The following TMPRSS12 variants were observed in gnomAD, a reference collection of about 807,000 sequenced individuals.
TMPRSS12 encodes the protein transmembrane protease serine 12.
TMPRSS12 carries 25 observed loss-of-function variants against 26.0 expected under a neutral mutation model. The observed-to-expected ratio is 0.96, with a 90% CI of 0.70 to 1.34. TMPRSS12 has a LOEUF of 1.34. TMPRSS12 is among the 40% of genes most tolerant of loss of function. The pLI is 0.00. For synonymous variants in TMPRSS12, 150 were observed against 161.7 expected (o/e 0.93, Z 0.55); for missense variants, 441 against 440.1 (o/e 1.00, Z -0.02).
chr12:50,865,666 C>T (rs1937984184), intron 3 of TMPRSS12, among the ~76,000 whole-genome samples: 1 of 150,576 alleles, frequency 6.6e-6, no homozygotes, highest in Non-Finnish European at 1.5e-5. Context: ...ACGTAATCCC[C>T]TTTCATACAT....
intron 2 of TMPRSS12, among the ~76,000 whole-genome samples, chr12:50,845,132 T>C (rs946405728): frequency 6.6e-6 from 1 of 152,198 alleles, no homozygotes; most frequent in African/African-American, 2.4e-5. Flanking sequence ...GAGACTCTCT[T>C]TGCTTCATCT....
At chr12:50,884,807 G>A (rs1342027297) in intron 3 of TMPRSS12, among the ~76,000 whole-genome samples, 1 of 151,876 alleles carries the variant, frequency 6.6e-6, no homozygotes, top group Non-Finnish European at 1.5e-5. Flanking sequence ...GGGAGGCAGA[G>A]GTTGTAGTGA....
At chr12:50,857,892 G>A (rs1273794426) in intron 2 of TMPRSS12, among the ~76,000 whole-genome samples, 5 of 151,708 alleles carry the variant, frequency 3.3e-5, no homozygotes, top group Non-Finnish European at 5.9e-5. Context: ...GCAGTGGCAC[G>A]ATCTCGGCTC....
intron 4 of TMPRSS12, 65 bp downstream of exon 4, chr12:50,885,453 C>T (rs762845352): frequency 6.4e-7 from 1 of 1,573,320 alleles, no homozygotes; most frequent in Non-Finnish European, 8.7e-7. Context: ...TCAAACAAGG[C>T]CTTTGATAAC....
chr12:50,877,514 G>A (rs74842648), intron 3 of TMPRSS12, among the ~76,000 whole-genome samples: 1,792 of 152,266 alleles, frequency 0.012, 26 homozygotes, highest in Middle Eastern at 0.065. Flanking sequence ...TGAGGTTATA[G>A]GAAGACAAAA....
chr12:50,885,994 T>A (rs546155084), intron 4 of TMPRSS12: 2 of 153,362 alleles, frequency 1.3e-5, no homozygotes, highest in Non-Finnish European at 2.9e-5. Flanking sequence ...ATTATAACCA[T>A]CCTTGTGGGT....
intron 2 of TMPRSS12, among the ~76,000 whole-genome samples, chr12:50,856,860 ATT>A (rs11313096): frequency 2.9e-4 from 44 of 151,018 alleles, no homozygotes; most frequent in Non-Finnish European, 7.4e-5. Context: ...TAATTTTTGT[ATT>A]TTTTTTTTAC....
chr12:50,881,698 C>T (rs1000356291), intron 3 of TMPRSS12, among the ~76,000 whole-genome samples: 20 of 151,714 alleles, frequency 1.3e-4, no homozygotes, highest in African/African-American at 4.6e-4. Flanking sequence ...AGTCTAGGTG[C>T]TGTGGCTCAC....
At chr12:50,847,874 AG>A (rs1937786480) in intron 2 of TMPRSS12, 1 of 152,050 alleles carries the variant, frequency 6.6e-6, no homozygotes, top group South Asian at 2.1e-4. Flanking sequence ...CGAAAGAGCG[AG>A]ACTTCATCTC....
At chr12:50,872,777 A>AGACG (rs1938070750) in intron 3 of TMPRSS12, among the ~76,000 whole-genome samples, 1 of 114,080 alleles carries the variant, frequency 8.8e-6, no homozygotes, top group African/African-American at 3.5e-5. Flanking sequence ...TGACGTATAT[A>AGACG]TGTACATATA....
intron 2 of TMPRSS12, among the ~76,000 whole-genome samples, chr12:50,845,989 C>G (rs1215808953): frequency 6.6e-6 from 1 of 152,002 alleles, no homozygotes; most frequent in Admixed American, 6.6e-5. Context: ...GGGCTCTTTG[C>G]TTTTTTGTTG....
chr12:50,853,584 A>AG (rs1937847166), intron 2 of TMPRSS12, among the ~76,000 whole-genome samples: 1 of 149,544 alleles, frequency 6.7e-6, no homozygotes, highest in African/African-American at 2.5e-5. Context: ...AGACTAACAA[A>AG]AAAAAAAAAA....
At chr12:50,879,374 A>G (rs929179271) in intron 3 of TMPRSS12, among the ~76,000 whole-genome samples, 4 of 152,244 alleles carry the variant, frequency 2.6e-5, no homozygotes, top group African/African-American at 9.6e-5. Flanking sequence ...TCAATGGAAA[A>G]AGAGCTGCAA....
chr12:50,858,471 T>C (rs1937902333), intron 2 of TMPRSS12, among the ~76,000 whole-genome samples: 1 of 152,228 alleles, frequency 6.6e-6, no homozygotes, highest in African/African-American at 2.4e-5. Context: ...CTAGTTTTAT[T>C]TCTCTTTTCA....
chr12:50,885,492 A>G, intron 4 of TMPRSS12, 104 bp downstream of exon 4: 1 of 1,290,262 alleles, frequency 7.8e-7, no homozygotes, highest in Non-Finnish European at 1.1e-6. Context: ...ATCAGGCCTA[A>G]AAATAATAAA....
At position 50,858,835 on chromosome 12, in the gene TMPRSS12, G is replaced by C. The variant is rs377446769; in HGVS notation, c.434G>C (p.Arg145Pro). 1 of 1,608,950 alleles carries C rather than the reference G, an allele frequency of 6.2e-7. No individual in the cohort carries two copies. ...ATTGGAACTAATAATATACATGGAC[G>C]CTATCCTCATACCAAGAAGATAAAA... ...AVIGTNNIHG[R>P]YPHTKKIKIK... Residue 145 changes from arginine (R) to proline (P), a missense_variant, in exon 3 of 5, where the codon CGC (arginine) becomes CCC (proline). Arg to Pro is a moderately radical substitution (Grantham distance 103). Transcript: ENST00000398458.
chr12:50,844,380 T>C (rs922882172), intron 2 of TMPRSS12, among the ~76,000 whole-genome samples: 1 of 144,466 alleles, frequency 6.9e-6, no homozygotes, highest in South Asian at 2.2e-4. Flanking sequence ...TATTTTTTAC[T>C]TTTTTTTTTT....
chr12:50,870,791 T>C (rs1438872844), intron 3 of TMPRSS12, among the ~76,000 whole-genome samples: 3 of 150,430 alleles, frequency 2.0e-5, no homozygotes, highest in Middle Eastern at 3.2e-3. Context: ...AATCAGTAGC[T>C]CTCCTATATA....
chr12:50,887,668 A>G lies in TMPRSS12; in HGVS notation c.*155A>G. The G allele has an allele frequency of 2.1e-6, 2 of 932,058 alleles. No individual in the cohort carries two copies. 57.7% of individuals were successfully genotyped at this position (932,058 alleles called of 1,614,324 possible). A position where few individuals can be genotyped will look rare whatever the true frequency, so the allele number is the denominator to read the frequency against. On this transcript the variant is annotated 3_prime_UTR_variant, in exon 5 of 5. Transcript: ENST00000398458. Reference sequence around the variant, plus strand: ...CTATAAGTATTGTGACAGATATACAATTGTAATTTTGGCACTGAATCACAT... The same window carrying G: ...CTATAAGTATTGTGACAGATATACAGTTGTAATTTTGGCACTGAATCACAT...
Sources: allele counts gnomAD v4.1 joint callset (sites outside exome capture counted in the v4.1 genomes callset), GRCh38; gene constraint gnomAD v4.1.1; transcripts MANE v1.5; gene names NCBI Gene and HGNC (gene_info 2026-07-23, HGNC 2026-07-21).